AARS1: variants seen among roughly 807,000 people sequenced by gnomAD.
AARS1 encodes alanine--tRNA ligase, cytoplasmic.
Under a neutral mutation model 108.9 loss-of-function variants are expected in AARS1, and 72 were observed. The observed-to-expected ratio is 0.66, with a 90% CI of 0.55 to 0.80. The LOEUF (loss-of-function observed/expected upper bound fraction) is 0.80. AARS1 is among the 30% of genes least tolerant of loss of function. The pLI is 0.00. For missense variants in AARS1, 1,193 were observed against 1,233.2 expected (o/e 0.97, Z 0.49); for synonymous variants, 489 against 465.7 (o/e 1.05, Z -0.64).
chr16:70,254,855 A>T (rs1959941263), intron 16 of AARS1, 121 bp from the exon 17 acceptor site: 2 of 698,998 alleles, frequency 2.9e-6, no homozygotes, highest in Non-Finnish European at 5.2e-6. Flanking sequence ...CAACACCCCA[A>T]AAGTGTCTGT....
At chr16:70,271,450 C>G (rs1960399698) in intron 5 of AARS1, among the ~76,000 whole-genome samples, 1 of 151,888 alleles carries the variant, frequency 6.6e-6, no homozygotes, top group Non-Finnish European at 1.5e-5. Context: ...ATCGCTTGAA[C>G]CCAGGGCACA....
chr16:70,253,633 C>T (rs760393839), intron 19 of AARS1, 81 bp downstream of exon 19: 30 of 1,499,658 alleles, frequency 2.0e-5, no homozygotes, highest in Non-Finnish European at 2.5e-5. Flanking sequence ...GCAACCACTT[C>T]GCTCAGAGCC....
Position 70,252,593 on chromosome 16 carries a change from A to T in AARS1, c.*128T>A. 9.5e-7 allele frequency: 1 copy of T among 1,053,532 alleles called. No individual in the cohort carries two copies. The highest frequency in any genetic ancestry group is 1.3e-5 in the South Asian group (1 of 76,206). The allele number at this position is 1,053,532 out of a possible 1,614,324, so 65.3% of individuals were successfully genotyped here. A position where few individuals can be genotyped will look rare whatever the true frequency, so the allele number is the denominator to read the frequency against. On this transcript the variant is annotated 3_prime_UTR_variant, in exon 21 of 21. Coordinates refer to ENST00000261772, the MANE Select transcript of AARS1 (RefSeq NM_001605.3). ...GGCACTGAGACATAGGACTGCTCCC[A>T]AGTGTGTTCCAGTTACTGCTGGGTT...
chr16:70,280,696 G>A (rs1442252492), intron 2 of AARS1, among the ~76,000 whole-genome samples: 6 of 152,126 alleles, frequency 3.9e-5, no homozygotes, highest in Non-Finnish European at 7.4e-5. Context: ...GCCACGACCA[G>A]CCTGGGAAGT....
Position 70,252,504 on chromosome 16 carries a change from ATG to A in AARS1, c.*215_*216del. 1 of 595,162 alleles carries A rather than the reference ATG, an allele frequency of 1.7e-6. No homozygotes were observed. Among genetic ancestry groups the A allele is most frequent in the Non-Finnish European group, 3.0e-6 (1 of 333,828 alleles). The allele number at this position is 595,162 out of a possible 1,614,324, so 36.9% of individuals were successfully genotyped here. ...GATGCGAGCGTGACGATCAACAGCA[ATG>A]CGGGGTTAGTGGTTCTAGACCGATG... On this transcript the variant is annotated 3_prime_UTR_variant, in exon 21 of 21. Coordinates refer to ENST00000261772, the MANE Select transcript of AARS1 (RefSeq NM_001605.3).
chr16:70,262,988 A>C lies in AARS1; in HGVS notation c.1493-464T>G, dbSNP rs1036831651. Among the ~76,000 whole-genome samples the C allele has an allele frequency of 2.4e-4, 36 of 147,708 alleles. 2 individuals are homozygous for C. In the South Asian group the frequency reaches 5.8e-3, roughly 24 times the overall value. On this transcript the variant is annotated intron_variant, in intron 11 of 20. Transcript: ENST00000261772. ...GTCTCAAAAAAAAAAAAAAAAAAAA[A>C]AAAAAAAAAACAACAACAACAAAGG...
chr16:70,285,153 T>C (rs1960808073), intron 1 of AARS1, among the ~76,000 whole-genome samples: 1 of 151,086 alleles, frequency 6.6e-6, no homozygotes, highest in South Asian at 2.1e-4. Context: ...CGCTTGAACC[T>C]GGGAAATAGT....
At chr16:70,265,338 G>A in intron 10 of AARS1, 200 bp downstream of exon 10, 1 of 984,988 alleles carries the variant, frequency 1.0e-6, no homozygotes. Context: ...TCTGCCCCTA[G>A]TTGTGAAAAT....
At chr16:70,267,546 G>A (rs1046291425) in intron 9 of AARS1, 113 bp downstream of exon 9, 47 of 1,327,132 alleles carry the variant, frequency 3.5e-5, no homozygotes, top group Non-Finnish European at 4.9e-5. Context: ...ATTCAATCAA[G>A]CTATGTTCAG....
chr16:70,262,260 A>G (rs932196024), intron 12 of AARS1, 86 bp downstream of exon 12: 207 of 1,531,998 alleles, frequency 1.4e-4, no homozygotes, highest in Non-Finnish European at 1.8e-4. Flanking sequence ...GTCTGCTCCC[A>G]AGGCCTGGAG....
At chr16:70,252,956 G>T in intron 20 of AARS1, 50 bp from the exon 21 acceptor site, 2 of 1,582,972 alleles carry the variant, frequency 1.3e-6, no homozygotes. Context: ...TGGGATTGAG[G>T]GAGGAATGCA....
Position 70,267,655 on chromosome 16 carries a change from C to G in AARS1, c.1222+4G>C. On this transcript the variant is annotated splice_donor_region_variant and intron_variant, in intron 9 of 20. Coordinates refer to ENST00000261772, the MANE Select transcript of AARS1 (RefSeq NM_001605.3). ...GATGGAGAAGGGCAAAAACTGGTAC[C>G]TACCGGGAATGGTCTTGCTGTCTCC... is the stretch of plus-strand genomic sequence containing the variant. The G allele has an allele frequency of 6.2e-7, 1 of 1,614,156 alleles. No individual in the cohort carries two copies. Among genetic ancestry groups the G allele is most frequent in the Non-Finnish European group, 8.5e-7 (1 of 1,180,036 alleles).
Position 70,269,734 on chromosome 16 carries a change from T to A in AARS1, c.846A>T (p.Lys282Asn). ...KGTGARPYTGKVGAEDADGID... is the reference protein window; with the variant it reads ...KGTGARPYTGNVGAEDADGID... Reference sequence around the variant, plus strand: ...TCCCATCGGCATCCTCAGCACCAACTTTCCCAGTGTATGGTCGGGCACCTG... The same window carrying A: ...TCCCATCGGCATCCTCAGCACCAACATTCCCAGTGTATGGTCGGGCACCTG... Residue 282 changes from lysine (K) to asparagine (N), a missense_variant, in exon 7 of 21, where the codon AAA becomes AAT. Transcript: ENST00000261772. 1 of 1,614,094 alleles carries A rather than the reference T, an allele frequency of 6.2e-7. No individual in the cohort carries two copies. The highest frequency in any genetic ancestry group is 8.5e-7 in the Non-Finnish European group (1 of 1,180,022).
At chr16:70,286,606 G>A (rs1224090568) in intron 1 of AARS1, among the ~76,000 whole-genome samples, 2 of 152,052 alleles carry the variant, frequency 1.3e-5, no homozygotes, top group African/African-American at 4.8e-5. Context: ...GGGAGGTCGA[G>A]GCGGGTGGAT....
intron 2 of AARS1, among the ~76,000 whole-genome samples, chr16:70,282,015 G>C (rs190977484): frequency 6.6e-6 from 1 of 152,168 alleles, no homozygotes; most frequent in East Asian, 1.9e-4. Context: ...AGCTGTACTT[G>C]GTGGTGGGCA....
chr16:70,255,028 GAC>G (rs1959946719), intron 16 of AARS1, among the ~76,000 whole-genome samples: 2 of 152,034 alleles, frequency 1.3e-5, no homozygotes, highest in African/African-American at 4.8e-5. Context: ...GCACAAGTCA[GAC>G]ACACCAGTTC....
Position 70,267,780 on chromosome 16 carries a change from G to C in AARS1, c.1101C>G (p.Asp367Glu). The stretch of plus-strand genomic sequence containing the variant: ...TAATGATGTCCTTCACCATGTCTGG[G>C]TCCTTCTTCAGCTCAGGAAATGCAT... The part of the protein sequence containing the change: ...LGDAFPELKK[D>E]PDMVKDIINE... Residue 367 changes from aspartate to glutamate, a missense_variant, in exon 9 of 21, where the codon GAC (aspartate) becomes GAG (glutamate). Asp to Glu is a conservative substitution (Grantham distance 45). Coordinates refer to ENST00000261772, the MANE Select transcript of AARS1 (RefSeq NM_001605.3). The C allele has an allele frequency of 6.2e-7, 1 of 1,614,140 alleles. No individual in the cohort carries two copies. Among genetic ancestry groups the C allele is most frequent in the Non-Finnish European group, 8.5e-7 (1 of 1,180,026 alleles).
intron 2 of AARS1, 97 bp from the exon 3 acceptor site, chr16:70,277,251 A>AGTTCATG: frequency 1.6e-6 from 2 of 1,259,182 alleles, no homozygotes. Flanking sequence ...CTAACTGTGC[A>AGTTCATG]GTTCATGATT....
chr16:70,277,220 G>A, intron 2 of AARS1, 66 bp from the exon 3 acceptor site: 1 of 1,490,878 alleles, frequency 6.7e-7, no homozygotes, highest in Non-Finnish European at 9.4e-7. Context: ...CCACACACTA[G>A]CAGGAAGAGA....
Sources: gnomAD v4.1 joint callset for allele counts (sites outside exome capture counted in the v4.1 genomes callset) on GRCh38, gnomAD v4.1.1 for gene constraint, MANE v1.5 for transcripts, NCBI Gene and HGNC (gene_info 2026-07-23, HGNC 2026-07-21) for gene names.